Variants in FRMD6 observed in about 807,000 individuals in gnomAD.
The protein encoded by FRMD6 is FERM domain containing 6.
Under a neutral mutation model 73.2 loss-of-function variants are expected in FRMD6, and 37 were observed. The ratio of observed to expected loss-of-function variants is 0.51; its 90% CI spans 0.39 to 0.66. The LOEUF is 0.66. Ranked by LOEUF, FRMD6 falls within the 30% of genes least tolerant of loss-of-function variation. The probability of loss-of-function intolerance (pLI) is 0.00; values close to 1 mark genes in which losing one functional copy is unlikely to be tolerated. For missense variants in FRMD6, 714 were observed against 780.5 expected (o/e 0.91, Z 1.02); for synonymous variants, 273 against 282.2 (o/e 0.97, Z 0.33).
chr14:51,681,519 C>T (rs536370651), intron 1 of FRMD6, among the ~76,000 whole-genome samples: 7 of 152,204 alleles, frequency 4.6e-5, no homozygotes, highest in African/African-American at 1.4e-4. Context: ...CAGAGACTTG[C>T]CCAAGGGTAC....
At chr14:51,413,001 T>A in the FRMD6 span, among the ~76,000 whole-genome samples, 4 of 149,542 alleles carry the variant, frequency 2.7e-5, no homozygotes, top group African/African-American at 9.9e-5. Flanking sequence ...TTTTTTTTTT[T>A]TTTTTTTTGA....
chr14:51,512,994 C>T (rs919751314), intron 1 of FRMD6, among the ~76,000 whole-genome samples: 2 of 152,146 alleles, frequency 1.3e-5, no homozygotes, highest in South Asian at 2.1e-4. Context: ...GCAAAAGTAG[C>T]CTTTCAGAGG....
At chr14:51,526,694 A>G (rs1461530462) in intron 1 of FRMD6, among the ~76,000 whole-genome samples, 1 of 152,146 alleles carries the variant, frequency 6.6e-6, no homozygotes, top group East Asian at 1.9e-4. Context: ...CACTTTTTAT[A>G]TTATCCTACA....
At chr14:51,542,631 T>C (rs1204555139) in intron 1 of FRMD6, among the ~76,000 whole-genome samples, 1 of 152,036 alleles carries the variant, frequency 6.6e-6, no homozygotes, top group Non-Finnish European at 1.5e-5. Flanking sequence ...TTTTCATGAG[T>C]ATATACCTAG....
chr14:51,542,721 T>G (rs1031043626), intron 1 of FRMD6, among the ~76,000 whole-genome samples: 1 of 152,054 alleles, frequency 6.6e-6, no homozygotes, highest in African/African-American at 2.4e-5. Flanking sequence ...TTGTACCACT[T>G]TACGTTTCCA....
At chr14:51,463,552 A>G in the FRMD6 span, among the ~76,000 whole-genome samples, 1 of 152,224 alleles carries the variant, frequency 6.6e-6, no homozygotes, top group South Asian at 2.1e-4. Flanking sequence ...GAACATATCC[A>G]CAGGAAAGGC....
chr14:51,711,064 A>T (rs1268699877), intron 7 of FRMD6, among the ~76,000 whole-genome samples: 2 of 152,196 alleles, frequency 1.3e-5, no homozygotes, highest in Non-Finnish European at 2.9e-5. Context: ...GAGCTGGAAG[A>T]TGTGCCCAGT....
intron 12 of FRMD6, 121 bp downstream of exon 12, chr14:51,722,201 A>C: frequency 1.0e-6 from 1 of 980,442 alleles, no homozygotes; most frequent in Non-Finnish European, 1.5e-6. Flanking sequence ...GACTGCACTA[A>C]GAGTCTCTTC....
At position 51,595,527 on chromosome 14, in the gene FRMD6, A is replaced by T. The variant is rs919770750; in HGVS notation, c.-147+25117A>T. 3.3e-5 allele frequency among the ~76,000 whole-genome samples: 5 copies of T among 152,160 alleles called. No individual in the cohort carries two copies. In the South Asian group the frequency reaches 1.0e-3, roughly 32 times the overall value. ...TAACAGTGTGAAGGCTCATCTCTGG[A>T]GTGAGTGAAGTGTCAGAAAGAAAAA... On this transcript the variant is annotated intron_variant, in intron 2 of 14. Transcript: ENST00000356218.
chr14:51,573,797 C>CT (rs978649245), intron 2 of FRMD6, among the ~76,000 whole-genome samples: 6 of 152,178 alleles, frequency 3.9e-5, no homozygotes, highest in Non-Finnish European at 8.8e-5. Flanking sequence ...CCAAGACCAT[C>CT]ATTTGCATAA....
intron 2 of FRMD6, among the ~76,000 whole-genome samples, chr14:51,612,059 T>C (rs952943895): frequency 3.3e-5 from 5 of 152,226 alleles, no homozygotes; most frequent in African/African-American, 1.2e-4. Context: ...TTTATTTTTA[T>C]AGTTTTCTAG....
chr14:51,460,953 G>A, the FRMD6 span, among the ~76,000 whole-genome samples: 4 of 152,014 alleles, frequency 2.6e-5, no homozygotes, highest in Non-Finnish European at 4.4e-5. Context: ...GGCTTATGAC[G>A]GAGTGAGAGG....
intron 2 of FRMD6, among the ~76,000 whole-genome samples, chr14:51,571,013 A>G (rs1888106810): frequency 6.6e-6 from 1 of 152,246 alleles, no homozygotes; most frequent in South Asian, 2.1e-4. Context: ...GAAAATAGTC[A>G]TGGAAGACAC....
intron 1 of FRMD6, among the ~76,000 whole-genome samples, chr14:51,535,916 T>C (rs537945709): frequency 1.3e-5 from 2 of 152,016 alleles, no homozygotes; most frequent in Non-Finnish European, 2.9e-5. Context: ...GTCTGATTTG[T>C]GTTTCTTTTG....
chr14:51,406,272 C>A, the FRMD6 span, among the ~76,000 whole-genome samples: 7 of 152,026 alleles, frequency 4.6e-5, no homozygotes, highest in Non-Finnish European at 8.8e-5. Context: ...ATACCTTCAG[C>A]TTTGTTCTTT....
intron 2 of FRMD6, among the ~76,000 whole-genome samples, chr14:51,585,037 A>G (rs1203658974): frequency 6.6e-6 from 1 of 152,214 alleles, no homozygotes; most frequent in Non-Finnish European, 1.5e-5. Flanking sequence ...AACACTCAAT[A>G]CACAGTAGCT....
At position 51,595,090 on chromosome 14, in the gene FRMD6, C is replaced by T. The variant is rs112287955; in HGVS notation, c.-147+24680C>T. ...AGGAGGGAGCCTGTAGTTCTCATCC[C>T]GTTCTGTGCTAGGAGACCACATGGA... On this transcript the variant is annotated intron_variant, in intron 2 of 14. Transcript: ENST00000356218. Among the ~76,000 whole-genome samples the T allele has an allele frequency of 7.9e-3, 1,207 of 152,270 alleles. 14 individuals carry two copies. Among genetic ancestry groups the T allele is most frequent in the African/African-American group, 0.023 (953 of 41,556 alleles).
chr14:51,694,346 C>T (rs1034033524), intron 2 of FRMD6, among the ~76,000 whole-genome samples: 11 of 152,108 alleles, frequency 7.2e-5, no homozygotes, highest in African/African-American at 2.7e-4. Flanking sequence ...AACATTCCTG[C>T]ACAATAACAA....
At chr14:51,542,581 C>A (rs750291437) in intron 1 of FRMD6, among the ~76,000 whole-genome samples, 3 of 152,002 alleles carry the variant, frequency 2.0e-5, no homozygotes, top group Non-Finnish European at 4.4e-5. Flanking sequence ...AATAGTGCTT[C>A]TATGAACATT....
Sources: allele counts gnomAD v4.1 joint callset (sites outside exome capture counted in the v4.1 genomes callset), GRCh38; gene constraint gnomAD v4.1.1; transcripts MANE v1.5; gene names NCBI Gene and HGNC (gene_info 2026-07-23, HGNC 2026-07-21).